The following TEAD1 variants were observed in gnomAD, a reference collection of about 807,000 sequenced individuals.
TEAD1 encodes the protein transcriptional enhancer factor TEF-1.
Under a neutral mutation model 54.9 loss-of-function variants are expected in TEAD1, and 9 were observed. That is an observed-to-expected ratio of 0.16 (90% CI 0.10 to 0.29). TEAD1 has a LOEUF of 0.29. TEAD1 is among the 10% of genes least tolerant of loss of function. TEAD1 has a pLI of 1.00. For synonymous variants in TEAD1, 200 were observed against 187.8 expected (o/e 1.07, Z -0.53); for missense variants, 387 against 535.9 (o/e 0.72, Z 2.74).
At chr11:12,829,826 A>C (rs1468098299) in intron 3 of TEAD1, among the ~76,000 whole-genome samples, 3 of 152,216 alleles carry the variant, frequency 2.0e-5, no homozygotes, top group Non-Finnish European at 2.9e-5. Flanking sequence ...TGAGACAGGA[A>C]TACCTGGGTG....
intron 12 of TEAD1, among the ~76,000 whole-genome samples, chr11:12,931,756 C>T (rs1273674454): frequency 6.6e-6 from 1 of 151,712 alleles, no homozygotes; most frequent in Non-Finnish European, 1.5e-5. Context: ...CCAGTAGGAG[C>T]CAGCTTCTAT....
chr11:12,915,083 G>T (rs1404458229), intron 10 of TEAD1, among the ~76,000 whole-genome samples: 1 of 152,138 alleles, frequency 6.6e-6, no homozygotes, highest in African/African-American at 2.4e-5. Context: ...TTTCATTTTT[G>T]CAACCAGGTC....
chr11:12,838,045 C>A (rs1157173587), intron 3 of TEAD1, among the ~76,000 whole-genome samples: 1 of 152,094 alleles, frequency 6.6e-6, no homozygotes, highest in Non-Finnish European at 1.5e-5. Context: ...GATCTGCCCT[C>A]CTGGGACTCC....
intron 2 of TEAD1, among the ~76,000 whole-genome samples, chr11:12,751,274 C>A (rs1944863253): frequency 1.4e-5 from 2 of 145,498 alleles, no homozygotes; most frequent in African/African-American, 5.3e-5. Flanking sequence ...TGTATGTACT[C>A]CAACCTGACT....
At chr11:12,831,528 TTTG>T (rs1052517233) in intron 3 of TEAD1, among the ~76,000 whole-genome samples, 2 of 152,070 alleles carry the variant, frequency 1.3e-5, no homozygotes, top group African/African-American at 2.4e-5. Flanking sequence ...TAGAGGTGTT[TTTG>T]TTGTTGTTGT....
chr11:12,870,762 G>A (rs569522431), intron 5 of TEAD1, among the ~76,000 whole-genome samples: 4 of 152,158 alleles, frequency 2.6e-5, no homozygotes, highest in Admixed American at 6.5e-5. Flanking sequence ...AGTGTGCACC[G>A]GCAGTTATAG....
intron 3 of TEAD1, among the ~76,000 whole-genome samples, chr11:12,854,636 G>A (rs1248068098): frequency 2.0e-5 from 3 of 152,016 alleles, no homozygotes; most frequent in African/African-American, 7.2e-5. Context: ...CTGTTGTCCA[G>A]GCTGGAGTAC....
chr11:12,870,362 A>G (rs1048688016), intron 5 of TEAD1, among the ~76,000 whole-genome samples: 1 of 152,142 alleles, frequency 6.6e-6, no homozygotes, highest in African/African-American at 2.4e-5. Flanking sequence ...TGGTTGAACT[A>G]GAAAGGGAAT....
Position 12,937,120 on chromosome 11 carries a change from CAG to C in TEAD1, c.1180_1181del (p.Arg394GlyfsTer14). On this transcript the variant is annotated frameshift_variant, in exon 13 of 13. Transcript: ENST00000527636. LOFTEE classifies it high-confidence loss of function. ...TTTTATCTTAACAGGTGGTAACAAACAGGGATACACAAGAAACTCTACTCTGC... is the reference window on the plus strand; with the variant it reads ...TTTTATCTTAACAGGTGGTAACAAACGGATACACAAGAAACTCTACTCTGC... The C allele has an allele frequency of 6.2e-7, 1 of 1,612,948 alleles. No individual in the cohort carries two copies. Among genetic ancestry groups the C allele is most frequent in the Non-Finnish European group, 8.5e-7 (1 of 1,179,284 alleles).
At chr11:12,888,910 C>T (rs1209719620) in intron 9 of TEAD1, among the ~76,000 whole-genome samples, 5 of 152,024 alleles carry the variant, frequency 3.3e-5, no homozygotes, top group Admixed American at 6.6e-5. Context: ...AGCCCAGGGC[C>T]GTAAGGAGCT....
intron 2 of TEAD1, among the ~76,000 whole-genome samples, chr11:12,740,514 T>G (rs1944629211): frequency 1.3e-5 from 2 of 152,176 alleles, no homozygotes; most frequent in South Asian, 4.1e-4. Context: ...ACGTGGGTAA[T>G]TTATAAAGAA....
intron 3 of TEAD1, among the ~76,000 whole-genome samples, chr11:12,852,977 G>C (rs764596614): frequency 2.0e-4 from 31 of 152,162 alleles, no homozygotes; most frequent in Non-Finnish European, 4.3e-4. Flanking sequence ...TATACTAAGT[G>C]ACTTGTTTTT....
At chr11:12,816,725 C>T (rs868308778) in intron 3 of TEAD1, among the ~76,000 whole-genome samples, 1 of 152,272 alleles carries the variant, frequency 6.6e-6, no homozygotes, top group Admixed American at 6.5e-5. Context: ...TTATTTAGCA[C>T]ATCTTTTGTG....
intron 3 of TEAD1, among the ~76,000 whole-genome samples, chr11:12,796,985 C>T (rs1196058050): frequency 6.6e-6 from 1 of 152,078 alleles, no homozygotes; most frequent in Non-Finnish European, 1.5e-5. Flanking sequence ...TGGTGGCGGG[C>T]ACCTGTAATC....
intron 2 of TEAD1, among the ~76,000 whole-genome samples, chr11:12,714,415 G>A (rs889494893): frequency 2.0e-5 from 3 of 151,950 alleles, no homozygotes; most frequent in East Asian, 1.9e-4. Flanking sequence ...TTTTTGAGAC[G>A]GGGTCTCATT....
intron 10 of TEAD1, among the ~76,000 whole-genome samples, chr11:12,911,639 A>AT (rs1948619897): frequency 6.6e-6 from 1 of 152,044 alleles, no homozygotes. Context: ...TTGGGGGCTA[A>AT]TACATGTTAA....
chr11:12,698,247 A>T (rs7105783), intron 2 of TEAD1, among the ~76,000 whole-genome samples: 1 of 151,820 alleles, frequency 6.6e-6, no homozygotes, highest in South Asian at 2.1e-4. Context: ...CCGTGAAGCC[A>T]TGGCTGAAAT....
chr11:12,696,371 T>C (rs1486648163), intron 2 of TEAD1, among the ~76,000 whole-genome samples: 10 of 152,226 alleles, frequency 6.6e-5, no homozygotes. Context: ...CAGTTTGTCT[T>C]TGATGCTCAC....
chr11:12,867,457 C>A (rs1024265774), intron 5 of TEAD1, among the ~76,000 whole-genome samples: 6 of 152,204 alleles, frequency 3.9e-5, no homozygotes, highest in African/African-American at 1.4e-4. Flanking sequence ...CTTGGCACCA[C>A]TCTGAGGGCA....
Sources: allele counts gnomAD v4.1 joint callset (sites outside exome capture counted in the v4.1 genomes callset), GRCh38; gene constraint gnomAD v4.1.1; transcripts MANE v1.5; gene names NCBI Gene and HGNC (gene_info 2026-07-23, HGNC 2026-07-21).